TARBP2: variants seen among roughly 807,000 people sequenced by gnomAD.
TARBP2 encodes the protein RISC-loading complex subunit TARBP2.
Under a neutral mutation model 40.4 loss-of-function variants are expected in TARBP2, and 23 were observed. The ratio of observed to expected loss-of-function variants is 0.57; its 90% confidence interval spans 0.41 to 0.81. The LOEUF is 0.81. Ranked by LOEUF, TARBP2 falls within the 30% of genes least tolerant of loss-of-function variation. The pLI is 0.00. For missense variants in TARBP2, 358 were observed against 473.7 expected, an observed-to-expected ratio of 0.76 and a Z score of 2.27; for synonymous variants, 183 against 190.5, an observed-to-expected ratio of 0.96 and a Z score of 0.32.
rs747773992 is a variant in TARBP2 at position 53,503,782 on chromosome 12, C to T, written c.396C>T (p.Thr132=). 14 of 1,614,058 alleles carry T rather than the reference C, an allele frequency of 8.7e-6. No homozygotes were observed. Among genetic ancestry groups the T allele is most frequent in the African/African-American group, 1.3e-5 (1 of 74,942 alleles). ...IPVFTAAAAA[T]PVPSVVLTRS... ...TTTTTACTGCTGCAGCAGCTGCTAC[C>T]CCAGTTCCATCTGTAGTCCTAACCA... The change falls in exon 4 of 9, where the codon ACC becomes ACT. Residue 132 remains threonine (T), a synonymous_variant. Transcript: ENST00000266987.
intron 2 of TARBP2, 50 bp downstream of exon 2, chr12:53,502,234 A>G: frequency 1.2e-6 from 2 of 1,601,552 alleles, no homozygotes; most frequent in African/African-American, 1.3e-5. Context: ...GCAGGTCCCC[A>G]TGGCTTTGTT....
intron 1 of TARBP2, 181 bp from the exon 2 acceptor site, chr12:53,501,834 G>T: frequency 7.7e-7 from 1 of 1,306,928 alleles, no homozygotes; most frequent in African/African-American, 1.5e-5. Context: ...TTGCTTTGGG[G>T]TAGTGGGCCC....
At chr12:53,503,643 C>A in intron 3 of TARBP2, 70 bp from the exon 4 acceptor site, 1 of 1,141,918 alleles carries the variant, frequency 8.8e-7, no homozygotes, top group Non-Finnish European at 1.3e-6. Context: ...GTCAGGAGGA[C>A]GTGGGTCCCC....
chr12:53,504,836 T>G, intron 6 of TARBP2, 21 bp downstream of exon 6: 1 of 1,612,314 alleles, frequency 6.2e-7, no homozygotes, highest in Non-Finnish European at 8.5e-7. Flanking sequence ...AAGAAGGGGT[T>G]CTCACAACTC....
Position 53,501,376 on chromosome 12 carries a change from G to C in TARBP2, c.-33G>C. On this transcript the variant is annotated 5_prime_UTR_variant, in exon 1 of 9. Transcript: ENST00000266987. ...TGTATTGGGGCGCGTGGAGGCTGCA[G>C]TCACGGTGGCGCCCGCGGGGACGGA... 1 of 1,554,614 alleles carries C rather than the reference G, an allele frequency of 6.4e-7. No individual in the cohort carries two copies. Among genetic ancestry groups the C allele is most frequent in the Non-Finnish European group, 8.7e-7 (1 of 1,148,826 alleles).
In TARBP2 at chr12:53,505,347, G is replaced by C; in HGVS notation, c.741+85G>C. 6.6e-7 allele frequency: 1 copy of C among 1,508,134 alleles called. No individual in the cohort carries two copies. The highest frequency in any genetic ancestry group is 1.4e-5 in the African/African-American group (1 of 71,770). The allele number at this position is 1,508,134 out of a possible 1,614,324, so 93.4% of individuals were successfully genotyped here. On this transcript the variant is annotated intron_variant, in intron 7 of 8. Transcript: ENST00000266987. The surrounding 1 kb of genome is among the most constrained non-coding windows in gnomAD (Gnocchi z 4.5). ...AGGGACTTGGGTCTGTGACTCAGCA[G>C]TGAGCCTCTCTGGGCCCTAGGTCTG...
At chr12:53,502,538 C>T (rs1467401228) in intron 2 of TARBP2, 1 of 298,950 alleles carries the variant, frequency 3.3e-6, no homozygotes, top group African/African-American at 2.2e-5. Flanking sequence ...TAATTTTAAA[C>T]CTCAGTCTAA....
chr12:53,503,502 C>T, intron 3 of TARBP2: 1 of 585,564 alleles, frequency 1.7e-6, no homozygotes, highest in Non-Finnish European at 3.0e-6. Context: ...CAAAGATACC[C>T]TCTTCTCTGA....
Position 53,505,625 on chromosome 12 carries a change from T to C in TARBP2, c.742-24T>C, listed in dbSNP as rs1943941971. On this transcript the variant is annotated intron_variant, in intron 7 of 8. Coordinates refer to ENST00000266987, the MANE Select transcript of TARBP2 (RefSeq NM_134323.2). The surrounding 1 kb of genome is among the most constrained non-coding windows in gnomAD (Gnocchi z 4.5). ...GGTCCCACAGTCTCTCGCTTCATCTTTCTCACTGTTCCCATCTTGACAGGG... is the reference window on the plus strand; with the variant it reads ...GGTCCCACAGTCTCTCGCTTCATCTCTCTCACTGTTCCCATCTTGACAGGG... The C allele has an allele frequency of 1.9e-6, 3 of 1,608,524 alleles. No homozygotes were observed. Among genetic ancestry groups the C allele is most frequent in the South Asian group, 1.1e-5 (1 of 91,010 alleles).
In TARBP2 at chr12:53,505,768, G is replaced by A. The variant is rs777436345; in HGVS notation, c.861G>A (p.Leu287=). The part of the protein sequence containing the change: ...LSLRSCSLGS[L]GALGPACCRV... The stretch of plus-strand genomic sequence containing the variant: ...TCCGCAGTTGCTCCCTGGGCTCCCT[G>A]GGTGCCCTGGGCCCTGCCTGCTGCC... Residue 287 remains leucine (L), a synonymous_variant, in exon 8 of 9, where the codon CTG becomes CTA. Coordinates refer to ENST00000266987, the MANE Select transcript of TARBP2 (RefSeq NM_134323.2). The surrounding 1 kb of genome is among the most constrained non-coding windows in gnomAD (Gnocchi z 4.5). 2.5e-6 allele frequency: 4 copies of A among 1,613,876 alleles called. No homozygotes were observed. The highest frequency in any genetic ancestry group is 3.4e-6 in the Non-Finnish European group (4 of 1,179,906).
chr12:53,504,217 G>C, intron 4 of TARBP2, 180 bp from the exon 5 acceptor site: 1 of 604,660 alleles, frequency 1.7e-6, no homozygotes, highest in Non-Finnish European at 2.8e-6. Context: ...TTGAGTGGGA[G>C]GGGGAAGGAA....
At chr12:53,501,483 C>G in intron 1 of TARBP2, 22 bp downstream of exon 1, 1 of 1,559,072 alleles carries the variant, frequency 6.4e-7, no homozygotes, top group Non-Finnish European at 8.7e-7. Context: ...CGTACCGATT[C>G]CTTCAGGGCG....
chr12:53,504,359 C>G, intron 4 of TARBP2, 38 bp from the exon 5 acceptor site: 10 of 1,516,050 alleles, frequency 6.6e-6, no homozygotes, highest in Non-Finnish European at 8.8e-6. Flanking sequence ...CAGATGGAAC[C>G]CTTCACCTCA....
At chr12:53,504,872 C>A in intron 6 of TARBP2, 57 bp downstream of exon 6, 1 of 1,592,626 alleles carries the variant, frequency 6.3e-7, no homozygotes, top group South Asian at 1.1e-5. Context: ...CTGGCCCCAG[C>A]CACAAAGCAG....
rs569684772 is a variant in TARBP2, at chr12:53,505,411, G to C, written c.741+149G>C. On this transcript the variant is annotated intron_variant, in intron 7 of 8. Transcript: ENST00000266987. The surrounding 1 kb of genome is among the most constrained non-coding windows in gnomAD (Gnocchi z 4.5). Reference sequence around the variant, plus strand: ...TTTCCTACCAGACCCAGGGTTCCTGGGGCCGACTCAGCCTTGACTGTAGGC... The same window carrying C: ...TTTCCTACCAGACCCAGGGTTCCTGCGGCCGACTCAGCCTTGACTGTAGGC... 5.3e-6 allele frequency: 7 copies of C among 1,318,062 alleles called. No individual in the cohort carries two copies. In the South Asian group the frequency reaches 7.4e-5, roughly 14 times the overall value. 81.6% of individuals were successfully genotyped at this position (1,318,062 alleles called of 1,614,324 possible). A position where few individuals can be genotyped will look rare whatever the true frequency, so the allele number is the denominator to read the frequency against.
Position 53,504,217 on chromosome 12 carries a change from G to A in TARBP2, c.423-180G>A, listed in dbSNP as rs528626232. Reference sequence around the variant, plus strand: ...TGGAGAAGGCCTCCCTTGAGTGGGAGGGGGAAGGAAGCCGGCTAGAGCAGG... The same window carrying A: ...TGGAGAAGGCCTCCCTTGAGTGGGAAGGGGAAGGAAGCCGGCTAGAGCAGG... On this transcript the variant is annotated intron_variant, in intron 4 of 8. Coordinates refer to ENST00000266987, the MANE Select transcript of TARBP2 (RefSeq NM_134323.2). The A allele has an allele frequency of 1.8e-5, 11 of 604,660 alleles. No homozygotes were observed. The Admixed American group carries it at 3.1e-4, about 17-fold the overall frequency. The allele number at this position is 604,660 out of a possible 1,614,324, so 37.5% of individuals were successfully genotyped here.
chr12:53,504,360 C>CT, intron 4 of TARBP2, 37 bp from the exon 5 acceptor site: 1 of 1,519,162 alleles, frequency 6.6e-7, no homozygotes. Context: ...AGATGGAACC[C>CT]TTCACCTCAA....
chr12:53,503,522 T>C, intron 3 of TARBP2, 191 bp from the exon 4 acceptor site: 1 of 596,312 alleles, frequency 1.7e-6, no homozygotes, highest in South Asian at 2.1e-5. Context: ...AGACTCTCTT[T>C]TCTCAGTCTT....
chr12:53,501,081 G>T (rs894633144), upstream of TARBP2: 18 of 387,546 alleles, frequency 4.6e-5, no homozygotes, highest in South Asian at 4.2e-4. Flanking sequence ...CCGGGAGAGA[G>T]GGGGCGCGGA....
Sources: gnomAD v4.1 joint callset for allele counts on GRCh38, gnomAD v4.1.1 for gene constraint, Gnocchi (gnomAD v3.1) non-coding constraint, MANE v1.5 for transcripts, NCBI Gene and HGNC (gene_info 2026-07-23, HGNC 2026-07-21) for gene names.